Variants in DNAH12 observed in about 807,000 individuals in gnomAD.
DNAH12 encodes dynein axonemal heavy chain 12.
In DNAH12, 285 loss-of-function variants were observed where a neutral mutation model predicts 371.5. That is an observed-to-expected ratio of 0.77 (90% CI 0.70 to 0.85). The LOEUF is 0.85. Among genes scored for constraint, DNAH12 ranks in the 40% least tolerant of loss-of-function variants. The pLI, the probability that DNAH12 is intolerant of heterozygous loss-of-function variation, is 0.00. For synonymous variants in DNAH12, 1,200 were observed against 1,213.0 expected, an observed-to-expected ratio of 0.99 and a Z score of 0.22; for missense variants, 3,611 against 3,689.4, an observed-to-expected ratio of 0.98 and a Z score of 0.55.
rs1260547911 is a variant in DNAH12, at chr3:57,480,764, C to T, written c.1650+2612G>A. The stretch of plus-strand genomic sequence containing the variant: ...TCCCTAGGATGCAAGGCTGGTTCAA[C>T]ATACGCAAATCAATAAATGTCATCC... On this transcript the variant is annotated intron_variant, in intron 13 of 73. Coordinates refer to ENST00000495027, the MANE Select transcript of DNAH12 (RefSeq NM_001366028.2). 4.6e-5 allele frequency among the ~76,000 whole-genome samples: 7 copies of T among 152,184 alleles called. 1 individual carries two copies. Among genetic ancestry groups the T allele is most frequent in the Admixed American group, 2.0e-4 (3 of 15,264 alleles).
intron 62 of DNAH12, among the ~76,000 whole-genome samples, chr3:57,330,090 T>C (rs1423575937): frequency 1.3e-5 from 2 of 151,838 alleles, no homozygotes; most frequent in South Asian, 2.1e-4. Context: ...TGTGGAGAAA[T>C]AGGAACACTT....
At chr3:57,499,667 T>TACAC (rs1446478465) in intron 11 of DNAH12, among the ~76,000 whole-genome samples, 9 of 51,652 alleles carry the variant, frequency 1.7e-4, no homozygotes, top group African/African-American at 5.7e-4. Flanking sequence ...TATATATATA[T>TACAC]ATATATATAC....
At chr3:57,330,804 C>T (rs955037793) in intron 62 of DNAH12, among the ~76,000 whole-genome samples, 3 of 151,880 alleles carry the variant, frequency 2.0e-5, no homozygotes, top group Non-Finnish European at 2.9e-5. Flanking sequence ...TGAGCTGCAA[C>T]ATCAACTCCT....
intron 38 of DNAH12, among the ~76,000 whole-genome samples, chr3:57,414,585 T>C (rs544580525): frequency 1.5e-4 from 23 of 152,294 alleles, no homozygotes; most frequent in Middle Eastern, 3.4e-3. Context: ...GTTCCCTTCT[T>C]TGTGTCCATC....
chr3:57,542,833 T>C lies in DNAH12; in HGVS notation c.38A>G (p.Lys13Arg). Reference protein sequence around the residue: ...DANKAAIAAEKEALNLKLPPI... With the variant: ...DANKAAIAAEREALNLKLPPI... The stretch of plus-strand genomic sequence containing the variant: ...GGGTAACTTCAAGTTCAGAGCTTCC[T>C]TTTCTGCTGCAATGGCAGCTTTGTT... Residue 13 changes from lysine (K) to arginine (R), a missense_variant, in exon 2 of 74, where the codon AAG (lysine) becomes AGG (arginine). Lys to Arg is a conservative substitution (Grantham distance 26). Coordinates refer to ENST00000495027, the MANE Select transcript of DNAH12 (RefSeq NM_001366028.2). The C allele has an allele frequency of 6.2e-7, 1 of 1,602,278 alleles. No individual in the cohort carries two copies. The highest frequency in any genetic ancestry group is 8.5e-7 in the Non-Finnish European group (1 of 1,176,802).
At chr3:57,547,677 T>C (rs2069590432), upstream of DNAH12, among the ~76,000 whole-genome samples, 1 of 152,096 alleles carries the variant, frequency 6.6e-6, no homozygotes, top group African/African-American at 2.4e-5. Flanking sequence ...AAACTACAGA[T>C]AATGCAGAGA....
intron 65 of DNAH12, among the ~76,000 whole-genome samples, chr3:57,316,170 G>C (rs1267635874): frequency 6.6e-6 from 1 of 151,036 alleles, no homozygotes. Flanking sequence ...AAGCCAAGGG[G>C]GCAGTAGGAT....
chr3:57,334,728 G>A (rs2062183974), intron 61 of DNAH12, 54 bp downstream of exon 61: 2 of 1,512,552 alleles, frequency 1.3e-6, no homozygotes, highest in Admixed American at 2.4e-5. Flanking sequence ...CTAAATTGAA[G>A]AACAAGTTTA....
intron 39 of DNAH12, among the ~76,000 whole-genome samples, chr3:57,411,068 A>G (rs9818333): frequency 0.55 from 83,014 of 151,572 alleles, 23,679 homozygotes; most frequent in African/African-American, 0.72. Context: ...GAATGAAACT[A>G]TCCTTGTTTG....
At chr3:57,479,273 A>C (rs1465866550) in intron 13 of DNAH12, among the ~76,000 whole-genome samples, 2 of 152,162 alleles carry the variant, frequency 1.3e-5, no homozygotes, top group South Asian at 2.1e-4. Flanking sequence ...TTGCAATCCT[A>C]GTCTCTGATA....
intron 55 of DNAH12, among the ~76,000 whole-genome samples, chr3:57,375,051 T>C (rs938941915): frequency 1.3e-5 from 2 of 152,146 alleles, no homozygotes; most frequent in Non-Finnish European, 2.9e-5. Context: ...GTGTATTTCA[T>C]GTATGTAAAT....
intron 4 of DNAH12, chr3:57,520,024 A>T: frequency 1.3e-6 from 1 of 743,794 alleles, no homozygotes; most frequent in Non-Finnish European, 2.3e-6. Flanking sequence ...AGCGCCGCGG[A>T]GCCGATGGCC....
chr3:57,421,297 A>C (rs9843762), intron 36 of DNAH12, among the ~76,000 whole-genome samples: 12,519 of 152,194 alleles, frequency 0.082, 1,743 homozygotes, highest in African/African-American at 0.28. Flanking sequence ...TATTTAATAA[A>C]ATGGAAAAAT....
intron 59 of DNAH12, among the ~76,000 whole-genome samples, chr3:57,353,435 G>A (rs2062729159): frequency 6.6e-6 from 1 of 152,018 alleles, no homozygotes; most frequent in Non-Finnish European, 1.5e-5. Context: ...TGGGACTACA[G>A]GTGCATGGCA....
intron 13 of DNAH12, among the ~76,000 whole-genome samples, chr3:57,473,408 C>T (rs1044303159): frequency 1.3e-5 from 2 of 151,980 alleles, no homozygotes; most frequent in Non-Finnish European, 1.5e-5. Flanking sequence ...ATTGCTTGAA[C>T]CCAGGAGGTG....
intron 70 of DNAH12, among the ~76,000 whole-genome samples, chr3:57,298,561 T>C (rs965729336): frequency 2.6e-5 from 4 of 152,212 alleles, no homozygotes. Context: ...TTTTTGCTTA[T>C]GTCAGAATTT....
chr3:57,419,638 TGA>T (rs372095643), intron 36 of DNAH12, 120 bp from the exon 37 acceptor site: 18 of 617,990 alleles, frequency 2.9e-5, no homozygotes, highest in African/African-American at 2.9e-4. Context: ...CCCCTTTTAA[TGA>T]AATATTACAT....
intron 37 of DNAH12, 35 bp from the exon 38 acceptor site, chr3:57,415,599 G>GA (rs560836036): frequency 6.7e-7 from 1 of 1,495,586 alleles, no homozygotes; most frequent in Non-Finnish European, 8.9e-7. Flanking sequence ...ATTCAAAATG[G>GA]AAAAAAAGTC....
At chr3:57,306,287 T>C (rs1559539033) in intron 69 of DNAH12, among the ~76,000 whole-genome samples, 1 of 152,146 alleles carries the variant, frequency 6.6e-6, no homozygotes. Context: ...ATTACCTTCT[T>C]TTCAAGGGTC....
Sources: allele counts gnomAD v4.1 joint callset (sites outside exome capture counted in the v4.1 genomes callset), GRCh38; gene constraint gnomAD v4.1.1; transcripts MANE v1.5; gene names NCBI Gene and HGNC (gene_info 2026-07-23, HGNC 2026-07-21).